The following ZMYM6 variants were observed in gnomAD, a reference collection of about 807,000 sequenced individuals.
ZMYM6 encodes the protein zinc finger MYM-type protein 6.
Under a neutral mutation model 134.0 loss-of-function variants are expected in ZMYM6, and 90 were observed. The ratio of observed to expected loss-of-function variants is 0.67; its 90% confidence interval spans 0.57 to 0.80. The LOEUF (loss-of-function observed/expected upper bound fraction) is 0.80, where lower values mean the gene tolerates loss of function less well. ZMYM6 is among the 30% of genes least tolerant of loss of function. The pLI is 0.00. For synonymous variants in ZMYM6, 481 were observed against 524.1 expected (o/e 0.92, Z 1.12); for missense variants, 1,362 against 1,533.9 (o/e 0.89, Z 1.87).
intron 2 of ZMYM6, among the ~76,000 whole-genome samples, chr1:35,023,326 C>T (rs572306118): frequency 1.1e-4 from 16 of 152,128 alleles, no homozygotes; most frequent in South Asian, 6.2e-4. Context: ...AGGCTGGTCT[C>T]GAACTCCTGA....
chr1:34,991,888 G>C lies in ZMYM6; in HGVS notation c.2146+346C>G, dbSNP rs555451060. 8.5e-4 allele frequency among the ~76,000 whole-genome samples: 129 copies of C among 152,096 alleles called. 1 individual carries two copies. Among genetic ancestry groups the C allele is most frequent in the South Asian group, 1.0e-3 (5 of 4,828 alleles). ...AAGTAATACTTCACAACTTTTTCAAGTAAAGCTCAAACAATTTTCATCGTC... is the reference window on the plus strand; with the variant it reads ...AAGTAATACTTCACAACTTTTTCAACTAAAGCTCAAACAATTTTCATCGTC... On this transcript the variant is annotated intron_variant, in intron 15 of 15. Transcript: ENST00000357182.
At chr1:35,027,369 A>G (rs1015109256) in intron 2 of ZMYM6, among the ~76,000 whole-genome samples, 2 of 152,204 alleles carry the variant, frequency 1.3e-5, no homozygotes, top group Non-Finnish European at 2.9e-5. Flanking sequence ...ATACAGTACA[A>G]TGGCATCACT....
intron 13 of ZMYM6, among the ~76,000 whole-genome samples, 193 bp from the exon 14 acceptor site, chr1:35,004,198 CA>C (rs1408107304): frequency 6.6e-6 from 1 of 152,162 alleles, no homozygotes; most frequent in Non-Finnish European, 1.5e-5. Context: ...GCCCCAATCC[CA>C]TCCAACTGTA....
chr1:35,014,648 A>G (rs201584998), intron 6 of ZMYM6, 49 bp downstream of exon 6: 77 of 1,567,940 alleles, frequency 4.9e-5, no homozygotes, highest in Admixed American at 9.1e-5. Context: ...CTGTGCAGCC[A>G]AATCAGAAGG....
At chr1:34,990,593 T>C (rs930762267) in intron 15 of ZMYM6, among the ~76,000 whole-genome samples, 1 of 152,176 alleles carries the variant, frequency 6.6e-6, no homozygotes, top group African/African-American at 2.4e-5. Flanking sequence ...TCCATTAACA[T>C]AGCTTAACCC....
At chr1:35,015,743 A>AATATAT (rs35800399) in intron 4 of ZMYM6, among the ~76,000 whole-genome samples, 91 of 106,416 alleles carry the variant, frequency 8.6e-4, no homozygotes, top group Middle Eastern at 8.3e-3. Context: ...AAAAAAAAAA[A>AATATAT]ATATATATAT....
intron 2 of ZMYM6, among the ~76,000 whole-genome samples, chr1:35,022,510 C>A (rs1391370218): frequency 6.6e-6 from 1 of 152,068 alleles, no homozygotes; most frequent in East Asian, 1.9e-4. Context: ...GTGACCCACC[C>A]ACCTCCACCT....
chr1:35,026,182 G>A (rs1395282935), intron 2 of ZMYM6, among the ~76,000 whole-genome samples: 4 of 151,942 alleles, frequency 2.6e-5, no homozygotes, highest in African/African-American at 4.8e-5. Context: ...CACCGCGCCC[G>A]GCTAATTGTT....
chr1:34,989,062 A>G (rs1429885176), intron 15 of ZMYM6, 127 bp from the exon 16 acceptor site: 19 of 1,475,470 alleles, frequency 1.3e-5, no homozygotes, highest in Non-Finnish European at 1.7e-5. Context: ...TGCACTGGTA[A>G]AAGTTTAAGC....
rs1641460075 is a variant in ZMYM6 at position 35,028,656 on chromosome 1, C to T, written c.93+1891G>A. Among the ~76,000 whole-genome samples, 3 of 151,508 alleles carry T rather than the reference C, an allele frequency of 2.0e-5. No homozygotes were observed. The South Asian group carries it at 6.3e-4, about 32-fold the overall frequency. On this transcript the variant is annotated intron_variant, in intron 2 of 15. Transcript: ENST00000357182. Reference sequence around the variant, plus strand: ...CTGGGACTACAGGCGCCCACCACCACGCCCAGCTAATTTTTTGTATTTTTT... The same window carrying T: ...CTGGGACTACAGGCGCCCACCACCATGCCCAGCTAATTTTTTGTATTTTTT...
chr1:35,014,584 C>T (rs1024401868), intron 6 of ZMYM6, 113 bp downstream of exon 6: 8 of 1,035,900 alleles, frequency 7.7e-6, no homozygotes, highest in Non-Finnish European at 1.1e-5. Context: ...GAAGGGAAAT[C>T]ACATATCAGG....
At chr1:35,027,130 G>A (rs1167901816) in intron 2 of ZMYM6, among the ~76,000 whole-genome samples, 1 of 152,196 alleles carries the variant, frequency 6.6e-6, no homozygotes, top group Non-Finnish European at 1.5e-5. Flanking sequence ...AGAAATGGCA[G>A]GTGCAAAGGC....
rs7523239 is a variant in ZMYM6, at chr1:35,026,273, A to C, written c.93+4274T>G. Among the ~76,000 whole-genome samples the C allele has an allele frequency of 1.7e-3, 255 of 152,268 alleles. 3 individuals are homozygous for C. The highest frequency in any genetic ancestry group is 5.8e-3 in the African/African-American group (240 of 41,554). On this transcript the variant is annotated intron_variant, in intron 2 of 15. Coordinates refer to ENST00000357182, the MANE Select transcript of ZMYM6 (RefSeq NM_007167.4). ...TGACCTCAAGGGATCTGCCCACCTC[A>C]GCCTCCCAAACTGCTGGGGTTACAG... is the stretch of plus-strand genomic sequence containing the variant.
chr1:35,009,399 C>T (rs970814247), intron 10 of ZMYM6, among the ~76,000 whole-genome samples: 1 of 152,306 alleles, frequency 6.6e-6, no homozygotes, highest in East Asian at 1.9e-4. Context: ...GCCACTGCGC[C>T]CTGCCACCAC....
At position 34,988,552 on chromosome 1, in the gene ZMYM6, T is replaced by C. The variant is rs1362887070; in HGVS notation, c.2530A>G (p.Lys844Glu). The C allele has an allele frequency of 6.4e-7, 1 of 1,551,308 alleles. No homozygotes were observed. The highest frequency in any genetic ancestry group is 2.0e-5 in the Admixed American group (1 of 50,988). The change falls in exon 16 of 16, where the codon AAG becomes GAG. Residue 844 changes from lysine (K) to glutamate (E), a missense_variant. By Grantham distance (56) the Lys-to-Glu change is moderately conservative (BLOSUM62 1). This residue lies in a region of ZMYM6 where 824 missense variants were observed against 940.9 expected (regional missense o/e 0.88). Transcript: ENST00000357182. The part of the protein sequence containing the change: ...LIAFQTAASK[K>E]PFSIAEELIK... ...AATTCTTCAGCAATGGAGAATGGCT[T>C]CTTGCTTGCAGCAGTTTGGAAAGCA...
At chr1:35,010,301 G>C in intron 10 of ZMYM6, 146 bp downstream of exon 10, 1 of 1,054,542 alleles carries the variant, frequency 9.5e-7, no homozygotes, top group Non-Finnish European at 1.3e-6. Context: ...GATTACAGGC[G>C]TGAGCCTCCA....
intron 4 of ZMYM6, among the ~76,000 whole-genome samples, chr1:35,016,994 G>T (rs1641213346): frequency 6.7e-6 from 1 of 150,100 alleles, no homozygotes; most frequent in Non-Finnish European, 1.5e-5. Flanking sequence ...GACAGAGTGA[G>T]ACCGTGTCTC....
Position 35,031,892 on chromosome 1 carries a change from T to G in ZMYM6, c.-152A>C, listed in dbSNP as rs1557595082. On this transcript the variant is annotated 5_prime_UTR_variant, in exon 1 of 16. Coordinates refer to ENST00000357182, the MANE Select transcript of ZMYM6 (RefSeq NM_007167.4). ...CTGCATCTAGACAGGGATTATTTTCTCTTCTGGAATTCCGCCTGATCCATC... is the reference window on the plus strand; with the variant it reads ...CTGCATCTAGACAGGGATTATTTTCGCTTCTGGAATTCCGCCTGATCCATC... The G allele has an allele frequency of 6.6e-6, 1 of 152,284 alleles. No homozygotes were observed. Among genetic ancestry groups the G allele is most frequent in the African/African-American group, 2.4e-5 (1 of 41,450 alleles). The allele number at this position is 152,284 out of a possible 1,614,324, so 9.4% of individuals were successfully genotyped here.
intron 2 of ZMYM6, chr1:35,030,191 A>C (rs1398222087): frequency 5.8e-6 from 1 of 172,068 alleles, no homozygotes; most frequent in Non-Finnish European, 1.2e-5. Context: ...GAACTTTGGG[A>C]GGCCAAGGTG....
Sources: allele counts gnomAD v4.1 joint callset (sites outside exome capture counted in the v4.1 genomes callset), GRCh38; gene constraint gnomAD v4.1.1; regional missense constraint gnomAD v4.1.1; transcripts MANE v1.5; gene names NCBI Gene and HGNC (gene_info 2026-07-23, HGNC 2026-07-21).